ZNF638: variants seen among roughly 807,000 people sequenced by gnomAD.
ZNF638 encodes zinc finger protein 638.
ZNF638 carries 46 observed loss-of-function variants against 195.6 expected under a neutral mutation model. The ratio of observed to expected loss-of-function variants is 0.24; its 90% CI spans 0.19 to 0.30. The LOEUF is 0.30. ZNF638 is among the 10% of genes least tolerant of loss of function. The pLI is 1.00. For missense variants in ZNF638, 2,440 were observed against 2,325.3 expected (o/e 1.05, Z -1.01); for synonymous variants, 845 against 772.0 (o/e 1.09, Z -1.57).
chr2:71,388,557 GT>G, intron 10 of ZNF638: 4 of 742,758 alleles, frequency 5.4e-6, no homozygotes, highest in Non-Finnish European at 1.0e-5. Context: ...AGGCCGAGCA[GT>G]TTCCTAGCTG....
intron 20 of ZNF638, among the ~76,000 whole-genome samples, chr2:71,417,787 A>G (rs1404296575): frequency 6.6e-6 from 1 of 152,054 alleles, no homozygotes; most frequent in East Asian, 1.9e-4. Context: ...TATAAGCTAG[A>G]CTTATCACCA....
chr2:71,379,966 C>T (rs539834681), intron 8 of ZNF638: 19 of 272,902 alleles, frequency 7.0e-5, no homozygotes, highest in East Asian at 3.6e-4. Context: ...AGCACGAGCA[C>T]GGTTTCAAGG....
In ZNF638 at chr2:71,428,533, C is replaced by CT. The variant is rs750927648; in HGVS notation, c.5546-11dup. The CT allele has an allele frequency of 3.1e-6, 5 of 1,602,928 alleles. No homozygotes were observed. Among genetic ancestry groups the CT allele is most frequent in the East Asian group, 4.5e-5 (2 of 44,778 alleles). On this transcript the variant is annotated splice_polypyrimidine_tract_variant and intron_variant, in intron 24 of 27. Coordinates refer to ENST00000264447, the MANE Select transcript of ZNF638 (RefSeq NM_014497.5). ...CTGTTACTAGAGCAATAAATTAGGA[C>CT]TTTCTTTTTAAAGCTAAAACTCCAA... is the stretch of plus-strand genomic sequence containing the variant.
At chr2:71,378,803 T>C (rs139401538) in intron 8 of ZNF638, among the ~76,000 whole-genome samples, 2 of 152,204 alleles carry the variant, frequency 1.3e-5, no homozygotes, top group Non-Finnish European at 2.9e-5. Flanking sequence ...AACCACGTCC[T>C]GGATTGAGAG....
At chr2:71,403,069 G>C (rs1573126714) in intron 16 of ZNF638, among the ~76,000 whole-genome samples, 1 of 152,068 alleles carries the variant, frequency 6.6e-6, no homozygotes, top group East Asian at 1.9e-4. Flanking sequence ...GCCCAGTTTT[G>C]AGTGGAGTTG....
chr2:71,380,667 G>T, intron 10 of ZNF638, 102 bp downstream of exon 10: 1 of 889,876 alleles, frequency 1.1e-6, no homozygotes, highest in South Asian at 1.9e-5. Flanking sequence ...CTTTAATGAA[G>T]GAGACCCAAA....
chr2:71,359,144 G>C (rs1057017120), intron 3 of ZNF638, among the ~76,000 whole-genome samples: 2 of 151,978 alleles, frequency 1.3e-5, no homozygotes, highest in Admixed American at 6.6e-5. Context: ...ATATATGACA[G>C]GGGATTTACT....
Position 71,422,904 on chromosome 2 carries a change from A to T in ZNF638, c.3390A>T (p.Glu1130Asp). Reference sequence around the variant, plus strand: ...TTAAACCTAATGAGCTTGAAGAAGAAAGTACTCCCAGCATTCAAACAGAAA... The same window carrying T: ...TTAAACCTAATGAGCTTGAAGAAGATAGTACTCCCAGCATTCAAACAGAAA... Reference protein sequence around the residue: ...PSVKPNELEEESTPSIQTETL... With the variant: ...PSVKPNELEEDSTPSIQTETL... The change falls in exon 22 of 28, where the codon GAA (glutamate) becomes GAT (aspartate). Residue 1130 changes from glutamate (E) to aspartate (D), a missense_variant. Physicochemically the swap from Glu to Asp is conservative, Grantham distance 45. Around this residue, in one of 5 missense-constraint regions of ZNF638, gnomAD observed 1,883 missense variants for 1,739.1 expected, o/e 1.08. Transcript: ENST00000264447. 6.2e-7 allele frequency: 1 copy of T among 1,614,126 alleles called. No homozygotes were observed. Among genetic ancestry groups the T allele is most frequent in the East Asian group, 2.2e-5 (1 of 44,874 alleles).
intron 20 of ZNF638, among the ~76,000 whole-genome samples, chr2:71,416,817 A>C (rs1244653780): frequency 1.4e-3 from 168 of 123,634 alleles, no homozygotes; most frequent in African/African-American, 5.2e-3. Context: ...GACCCACTTG[A>C]GGAGGCAGTC....
chr2:71,355,394 T>C (rs1228350756), intron 2 of ZNF638, among the ~76,000 whole-genome samples: 3 of 151,886 alleles, frequency 2.0e-5, no homozygotes, highest in Non-Finnish European at 1.5e-5. Context: ...TGTTTTTATA[T>C]TTGCAGTAAG....
chr2:71,335,689 A>C (rs887471423), intron 1 of ZNF638, among the ~76,000 whole-genome samples: 3 of 152,210 alleles, frequency 2.0e-5, no homozygotes, highest in Non-Finnish European at 2.9e-5. Flanking sequence ...GCTTATTTTT[A>C]AACAAATGCT....
rs532358853 is a variant in ZNF638 at position 71,389,152 on chromosome 2, G to C, written c.2378-6989G>C. Among the ~76,000 whole-genome samples the C allele has an allele frequency of 2.0e-5, 3 of 152,218 alleles. No individual in the cohort carries two copies. In the East Asian group the frequency reaches 5.8e-4, roughly 29 times the overall value. On this transcript the variant is annotated intron_variant, in intron 10 of 27. Transcript: ENST00000264447. ...CTTCCCTCAGCCCTGCCATTACTGGGTAAAGATACCAAAGAGGAAACAGAG... is the reference window on the plus strand; with the variant it reads ...CTTCCCTCAGCCCTGCCATTACTGGCTAAAGATACCAAAGAGGAAACAGAG...
intron 19 of ZNF638, among the ~76,000 whole-genome samples, chr2:71,406,484 T>TA (rs2080108174): frequency 6.6e-6 from 1 of 152,112 alleles, no homozygotes; most frequent in Non-Finnish European, 1.5e-5. Context: ...AAATAAGACT[T>TA]ACGCAAGGGG....
intron 8 of ZNF638, among the ~76,000 whole-genome samples, chr2:71,370,388 G>A (rs1042229520): frequency 5.3e-5 from 8 of 152,136 alleles, no homozygotes; most frequent in African/African-American, 1.9e-4. Context: ...CCATAGTTGA[G>A]TTTTGCCTGT....
At chr2:71,365,367 C>A in intron 5 of ZNF638, 62 bp from the exon 6 acceptor site, 6 of 1,335,666 alleles carry the variant, frequency 4.5e-6, no homozygotes, top group Non-Finnish European at 1.0e-6. Context: ...GTGATTATGT[C>A]ATGAGATGGC....
rs2079948347 is a variant in ZNF638 at position 71,398,906 on chromosome 2, T to A, written c.2500+134T>A. On this transcript the variant is annotated intron_variant, in intron 12 of 27. Transcript: ENST00000264447. Reference sequence around the variant, plus strand: ...TTGATATTTAAAACCTGACCCATTTTGTTGGAATTTTATCTTTGGCAGATA... The same window carrying A: ...TTGATATTTAAAACCTGACCCATTTAGTTGGAATTTTATCTTTGGCAGATA... 5.1e-6 allele frequency: 4 copies of A among 785,944 alleles called. No individual in the cohort carries two copies. In the South Asian group the frequency reaches 7.5e-5, roughly 15 times the overall value. The allele number at this position is 785,944 out of a possible 1,614,324, so 48.7% of individuals were successfully genotyped here. A position where few individuals can be genotyped will look rare whatever the true frequency, so the allele number is the denominator to read the frequency against.
rs747176104 is a variant in ZNF638 at position 71,361,246 on chromosome 2, C to A, written c.1380-1907C>A. Among the ~76,000 whole-genome samples the A allele has an allele frequency of 9.2e-5, 14 of 152,222 alleles. No homozygotes were observed. In the South Asian group the frequency reaches 1.4e-3, roughly 16 times the overall value. On this transcript the variant is annotated intron_variant, in intron 3 of 27. Coordinates refer to ENST00000264447, the MANE Select transcript of ZNF638 (RefSeq NM_014497.5). ...GGGATTACAGGCATGAGCCACCATG[C>A]TCCACCATTATTACCAGCTCTTGAA...
intron 21 of ZNF638, among the ~76,000 whole-genome samples, chr2:71,421,848 C>T (rs572843990): frequency 6.6e-6 from 1 of 152,162 alleles, no homozygotes; most frequent in East Asian, 1.9e-4. Context: ...CTAAGGTTTT[C>T]CTTGTTCTTC....
Position 71,434,856 on chromosome 2 carries a change from A to C in ZNF638, c.*49A>C, listed in dbSNP as rs2080734956. The stretch of plus-strand genomic sequence containing the variant: ...TAGAAATTTGTTTAGGGTCCAGTTG[A>C]TTTGTGTATTTTTGTTATCATTTAA... On this transcript the variant is annotated 3_prime_UTR_variant, in exon 28 of 28. Coordinates refer to ENST00000264447, the MANE Select transcript of ZNF638 (RefSeq NM_014497.5). The C allele has an allele frequency of 1.4e-6, 2 of 1,468,230 alleles. No homozygotes were observed. Among genetic ancestry groups the C allele is most frequent in the Non-Finnish European group, 1.9e-6 (2 of 1,080,290 alleles). The allele number at this position is 1,468,230 out of a possible 1,614,324, so 91.0% of individuals were successfully genotyped here.
Sources: allele counts gnomAD v4.1 joint callset (sites outside exome capture counted in the v4.1 genomes callset), GRCh38; gene constraint gnomAD v4.1.1; regional missense constraint gnomAD v4.1.1; transcripts MANE v1.5; gene names NCBI Gene and HGNC (gene_info 2026-07-23, HGNC 2026-07-21).